Variants in SEMA5B observed in about 807,000 individuals in gnomAD.
SEMA5B encodes the protein semaphorin 5B, also known as semaphorin-5B.
SEMA5B carries 66 observed loss-of-function variants against 135.0 expected under a neutral mutation model. The ratio of observed to expected loss-of-function variants is 0.49; its 90% CI spans 0.40 to 0.60. SEMA5B has a LOEUF of 0.60. SEMA5B is among the 20% of genes least tolerant of loss of function. The pLI, the probability that SEMA5B is intolerant of heterozygous loss-of-function variation, is 0.00. For synonymous variants in SEMA5B, 690 were observed against 639.5 expected (o/e 1.08, Z -1.19); for missense variants, 1,501 against 1,566.3 (o/e 0.96, Z 0.70).
At chr3:122,947,388 A>G (rs1210672151) in intron 3 of SEMA5B, among the ~76,000 whole-genome samples, 1 of 151,466 alleles carries the variant, frequency 6.6e-6, no homozygotes, top group Non-Finnish European at 1.5e-5. Context: ...CCCTTCCACA[A>G]CACCCCCAGA....
chr3:123,002,671 C>T (rs1453366098), intron 1 of SEMA5B, among the ~76,000 whole-genome samples: 1 of 152,224 alleles, frequency 6.6e-6, no homozygotes, highest in African/African-American at 2.4e-5. Flanking sequence ...GACCTGCAGA[C>T]ATTGATCATT....
chr3:122,942,102 T>C (rs969450399), intron 4 of SEMA5B, among the ~76,000 whole-genome samples: 12 of 152,164 alleles, frequency 7.9e-5, no homozygotes, highest in African/African-American at 1.9e-4. Flanking sequence ...ACCTTTTGAA[T>C]GTCCTACCAT....
Position 122,913,547 on chromosome 3 carries a change from A to G in SEMA5B, c.2267T>C (p.Leu756Pro), listed in dbSNP as rs1937886910. Residue 756 changes from leucine (L) to proline (P), a missense_variant, in exon 16 of 23, where the codon CTG (leucine) becomes CCG (proline). This residue lies in a region of SEMA5B where 927 missense variants were observed against 881.6 expected (regional missense o/e 1.05). Coordinates refer to ENST00000357599, the MANE Select transcript of SEMA5B (RefSeq NM_001031702.4). ...CCCAACCCTCACCACGCCGCAGCCC[A>G]GGCAGGAGTTGCCGTTCTCGCAGGC... Reference protein sequence around the residue: ...RRACENGNSCLGCGVEFKTCN... With the variant: ...RRACENGNSCPGCGVEFKTCN... 4.3e-6 allele frequency: 7 copies of G among 1,612,256 alleles called. No homozygotes were observed. Among genetic ancestry groups the G allele is most frequent in the Non-Finnish European group, 5.9e-6 (7 of 1,179,752 alleles).
intron 3 of SEMA5B, among the ~76,000 whole-genome samples, chr3:122,946,688 G>A (rs367576704): frequency 2.0e-5 from 3 of 152,096 alleles, no homozygotes; most frequent in African/African-American, 7.2e-5. Context: ...CCAACAATAC[G>A]AGATCATTAG....
chr3:122,976,812 G>T (rs1484651049), intron 1 of SEMA5B, among the ~76,000 whole-genome samples: 2 of 152,194 alleles, frequency 1.3e-5, no homozygotes, highest in Non-Finnish European at 2.9e-5. Context: ...CACTTTGGAA[G>T]GCCAAGGCGG....
intron 4 of SEMA5B, among the ~76,000 whole-genome samples, chr3:122,939,939 C>T (rs1939479918): frequency 6.6e-6 from 1 of 152,200 alleles, no homozygotes; most frequent in East Asian, 1.9e-4. Context: ...TCACACAGGC[C>T]AGCCATCTCT....
Position 122,952,280 on chromosome 3 carries a change from G to A in SEMA5B, c.125-3571C>T, listed in dbSNP as rs34744443. 3.2e-3 allele frequency among the ~76,000 whole-genome samples: 484 copies of A among 152,250 alleles called. 2 individuals are homozygous for A. The highest frequency in any genetic ancestry group is 5.3e-3 in the Non-Finnish European group (360 of 68,006). On this transcript the variant is annotated intron_variant, in intron 2 of 22. Transcript: ENST00000357599. ...CCGTCCTGTGGCATGGGGTTTCGCC[G>A]TGCTGTCCATCCTTGGAGCCCACCA...
At chr3:122,913,452 G>A (rs1937875870) in intron 16 of SEMA5B, 28 bp from the exon 17 acceptor site, 2 of 1,559,714 alleles carry the variant, frequency 1.3e-6, no homozygotes, top group Admixed American at 1.8e-5. Flanking sequence ...GGCAGCTTTA[G>A]AACCCCACGG....
chr3:122,932,243 ATTTTT>A (rs71136597), intron 5 of SEMA5B, among the ~76,000 whole-genome samples: 64 of 85,374 alleles, frequency 7.5e-4, no homozygotes, highest in African/African-American at 2.8e-3. Flanking sequence ...TCTCAATATG[ATTTTT>A]TTTTTTTTTT....
At chr3:122,950,041 T>C (rs1939975051) in intron 2 of SEMA5B, among the ~76,000 whole-genome samples, 1 of 152,242 alleles carries the variant, frequency 6.6e-6, no homozygotes, top group Non-Finnish European at 1.5e-5. Flanking sequence ...CATTGGCTTT[T>C]CTGGACAGTG....
At chr3:123,026,352 A>G (rs1434215741) in intron 1 of SEMA5B, among the ~76,000 whole-genome samples, 1 of 151,902 alleles carries the variant, frequency 6.6e-6, no homozygotes, top group East Asian at 1.9e-4. Flanking sequence ...GGGTGCGGGC[A>G]GAATCCAGCG....
intron 1 of SEMA5B, among the ~76,000 whole-genome samples, chr3:123,013,320 C>T (rs1039829680): frequency 6.6e-6 from 1 of 152,186 alleles, no homozygotes; most frequent in African/African-American, 2.4e-5. Context: ...GAAATCCTCA[C>T]AACACCCGCC....
chr3:122,990,376 C>T (rs1331336628), intron 1 of SEMA5B, among the ~76,000 whole-genome samples: 1 of 152,074 alleles, frequency 6.6e-6, no homozygotes, highest in Admixed American at 6.5e-5. Context: ...AAATGCTTGG[C>T]CATGTTGAGA....
At chr3:122,912,539 G>C (rs1937791698) in intron 18 of SEMA5B, among the ~76,000 whole-genome samples, 197 bp from the exon 19 acceptor site, 1 of 151,910 alleles carries the variant, frequency 6.6e-6, no homozygotes, top group African/African-American at 2.4e-5. Context: ...GCAGGAAGCA[G>C]CAGAGACACC....
At chr3:122,947,901 GT>G (rs71621699) in intron 3 of SEMA5B, among the ~76,000 whole-genome samples, 6 of 150,770 alleles carry the variant, frequency 4.0e-5, no homozygotes, top group Non-Finnish European at 5.9e-5. Context: ...GTTTTGTTTT[GT>G]TTTTTTTTAG....
chr3:122,932,920 G>A (rs144105670), intron 5 of SEMA5B, among the ~76,000 whole-genome samples: 19 of 152,270 alleles, frequency 1.2e-4, no homozygotes, highest in Non-Finnish European at 2.4e-4. Context: ...GGGTCTTGCT[G>A]TGTTGCCCAG....
intron 4 of SEMA5B, 90 bp from the exon 5 acceptor site, chr3:122,939,560 C>G: frequency 1.0e-6 from 1 of 978,724 alleles, no homozygotes; most frequent in Non-Finnish European, 1.7e-6. Flanking sequence ...TCCTGGGACG[C>G]CAGGACTGGG....
chr3:122,943,849 G>T (rs1460132664), intron 3 of SEMA5B, among the ~76,000 whole-genome samples: 1 of 152,132 alleles, frequency 6.6e-6, no homozygotes, highest in East Asian at 1.9e-4. Flanking sequence ...GGTAAATCCT[G>T]CCTGTTCTAC....
chr3:122,909,810 T>C lies in SEMA5B; in HGVS notation c.*333A>G, dbSNP rs1315238818. 4.5e-6 allele frequency: 1 copy of C among 223,634 alleles called. No homozygotes were observed. The highest frequency in any genetic ancestry group is 8.7e-6 in the Non-Finnish European group (1 of 114,990). The allele number at this position is 223,634 out of a possible 1,614,324, so 13.9% of individuals were successfully genotyped here. A position where few individuals can be genotyped will look rare whatever the true frequency, so the allele number is the denominator to read the frequency against. On this transcript the variant is annotated 3_prime_UTR_variant, in exon 23 of 23. Coordinates refer to ENST00000357599, the MANE Select transcript of SEMA5B (RefSeq NM_001031702.4). ...CCAACCCAAACTTAAAAGCCTGCCC[T>C]CTTGCCATCTCCATTCTCCAATTCC...
Sources: gnomAD v4.1 joint callset for allele counts (sites outside exome capture counted in the v4.1 genomes callset) on GRCh38, gnomAD v4.1.1 for gene constraint, gnomAD v4.1.1 regional missense constraint, MANE v1.5 for transcripts, NCBI Gene and HGNC (gene_info 2026-07-23, HGNC 2026-07-21) for gene names.